UBAC1: variants seen among roughly 807,000 people sequenced by gnomAD.
UBAC1 encodes the protein ubiquitin-associated domain-containing protein 1.
UBAC1 carries 27 observed loss-of-function variants against 45.9 expected under a neutral mutation model. The observed-to-expected ratio is 0.59, with a 90% CI of 0.43 to 0.81. The LOEUF (loss-of-function observed/expected upper bound fraction) is 0.81. UBAC1 is among the 30% of genes least tolerant of loss of function. The pLI, the probability that UBAC1 is intolerant of heterozygous loss-of-function variation, is 0.00. For missense variants in UBAC1, 529 were observed against 539.2 expected, an observed-to-expected ratio of 0.98 and a Z score of 0.19; for synonymous variants, 227 against 215.5, an observed-to-expected ratio of 1.05 and a Z score of -0.47.
chr9:135,950,219 C>T (rs899872378), intron 3 of UBAC1, among the ~76,000 whole-genome samples: 1 of 152,224 alleles, frequency 6.6e-6, no homozygotes, highest in East Asian at 1.9e-4. Context: ...TACAGAACTG[C>T]GAGCTACAAG....
intron 3 of UBAC1, among the ~76,000 whole-genome samples, chr9:135,948,403 G>C (rs1311548266): frequency 6.6e-6 from 1 of 152,244 alleles, no homozygotes; most frequent in East Asian, 1.9e-4. Flanking sequence ...AGGATGGAGG[G>C]ATCAGCGGAG....
Position 135,945,971 on chromosome 9 carries a change from G to A in UBAC1, c.571C>T (p.Arg191Cys). The A allele has an allele frequency of 4.3e-6, 7 of 1,613,778 alleles. No homozygotes were observed. Among genetic ancestry groups the A allele is most frequent in the African/African-American group, 4.0e-5 (3 of 75,066 alleles). ...TGCCGCAGGGCAGCCTCGTCCACAC[G>A]CTCATCCTCGTCCTCGTCCAGCATT... is the stretch of plus-strand genomic sequence containing the variant. ...NAMLDEDEDERVDEAALRQLT... is the reference protein window; with the variant it reads ...NAMLDEDEDECVDEAALRQLT... Residue 191 changes from arginine (R) to cysteine (C), a missense_variant, in exon 6 of 10, where the codon CGT becomes TGT. Arg to Cys is a radical substitution (Grantham distance 180). Transcript: ENST00000371756.
chr9:135,938,432 C>T, intron 8 of UBAC1, 72 bp from the exon 9 acceptor site: 1 of 1,555,508 alleles, frequency 6.4e-7, no homozygotes, highest in Non-Finnish European at 8.7e-7. Flanking sequence ...CAGCAGCAGG[C>T]ATGACAGCTC....
chr9:135,937,301 C>A (rs114140947), intron 9 of UBAC1, among the ~76,000 whole-genome samples: 2,155 of 151,730 alleles, frequency 0.014, 54 homozygotes, highest in African/African-American at 0.049. Flanking sequence ...ATTAGCCAGG[C>A]GTGGTAGTGC....
intron 9 of UBAC1, among the ~76,000 whole-genome samples, chr9:135,936,166 G>A (rs1223709128): frequency 6.6e-6 from 1 of 151,834 alleles, no homozygotes; most frequent in Admixed American, 6.6e-5. Context: ...GGGTGACAGA[G>A]AAAGAGCCTA....
intron 8 of UBAC1, 146 bp from the exon 9 acceptor site, chr9:135,938,506 G>A (rs140422188): frequency 1.1e-4 from 122 of 1,072,640 alleles, no homozygotes; most frequent in Middle Eastern, 9.3e-4. Context: ...GGACTCTACC[G>A]TGAAGACAAA....
At chr9:135,956,590 A>AGCACAGCACACCACC (rs1349194133) in intron 1 of UBAC1, among the ~76,000 whole-genome samples, 1 of 151,984 alleles carries the variant, frequency 6.6e-6, no homozygotes, top group African/African-American at 2.4e-5. Context: ...ACGACAGCAC[A>AGCACAGCACACCACC]GCACAGCACA....
chr9:135,947,943 T>A, intron 3 of UBAC1, 38 bp from the exon 4 acceptor site: 1 of 1,579,052 alleles, frequency 6.3e-7, no homozygotes. Context: ...GAGGTGAACG[T>A]AAGAGCAGCA....
At chr9:135,952,118 G>C (rs144700638) in intron 3 of UBAC1, among the ~76,000 whole-genome samples, 1 of 152,362 alleles carries the variant, frequency 6.6e-6, no homozygotes, top group East Asian at 1.9e-4. Context: ...GCCCAGATCT[G>C]TCCGCTGCAG....
At chr9:135,947,731 AC>A in intron 4 of UBAC1, 66 bp downstream of exon 4, 22 of 1,347,658 alleles carry the variant, frequency 1.6e-5, no homozygotes, top group Admixed American at 4.4e-5. Flanking sequence ...CCCCGCAGGA[AC>A]CCCCCCACAG....
At chr9:135,933,767 G>A (rs969607452) in intron 9 of UBAC1, among the ~76,000 whole-genome samples, 22 of 152,108 alleles carry the variant, frequency 1.4e-4, no homozygotes, top group Middle Eastern at 3.2e-3. Context: ...GTGCCTGTGC[G>A]TGCTCATGGC....
intron 3 of UBAC1, 76 bp from the exon 4 acceptor site, chr9:135,947,981 A>C: frequency 1.5e-6 from 2 of 1,362,258 alleles, no homozygotes; most frequent in East Asian, 2.5e-5. Context: ...GAATCAGCGG[A>C]GCTCTGCCCA....
intron 7 of UBAC1, chr9:135,942,432 T>C (rs1255251321): frequency 7.2e-5 from 11 of 152,178 alleles, no homozygotes; most frequent in Admixed American, 7.2e-4. Context: ...GGAGGATCAC[T>C]TGAGGCCAGG....
intron 1 of UBAC1, among the ~76,000 whole-genome samples, chr9:135,958,874 A>G (rs1839498486): frequency 6.6e-6 from 1 of 152,132 alleles, no homozygotes; most frequent in Admixed American, 6.5e-5. Context: ...ATCCCCTGCT[A>G]CTCAGATCCT....
At chr9:135,946,616 C>T (rs1344356317) in intron 4 of UBAC1, among the ~76,000 whole-genome samples, 1 of 152,192 alleles carries the variant, frequency 6.6e-6, no homozygotes, top group African/African-American at 2.4e-5. Flanking sequence ...AGTGCTGGCC[C>T]GATACTCAGC....
intron 3 of UBAC1, chr9:135,948,126 G>A (rs1839360770): frequency 7.9e-6 from 4 of 503,808 alleles, no homozygotes; most frequent in Non-Finnish European, 7.0e-6. Context: ...TAAGAGTGAA[G>A]CGGTAGGTGA....
chr9:135,936,473 T>C (rs1839203829), intron 9 of UBAC1, among the ~76,000 whole-genome samples: 1 of 151,596 alleles, frequency 6.6e-6, no homozygotes, highest in South Asian at 2.1e-4. Flanking sequence ...TGTTTCTGAC[T>C]TTCGGATAGG....
intron 8 of UBAC1, among the ~76,000 whole-genome samples, chr9:135,939,325 T>C (rs542704342): frequency 2.6e-5 from 4 of 152,254 alleles, no homozygotes; most frequent in Admixed American, 6.5e-5. Context: ...GAGCCATCTA[T>C]CCAATTGTCT....
At chr9:135,937,047 G>A (rs1839209438) in intron 9 of UBAC1, among the ~76,000 whole-genome samples, 1 of 152,142 alleles carries the variant, frequency 6.6e-6, no homozygotes. Context: ...TTCTACAGGC[G>A]GCCAATACGC....
Sources: gnomAD v4.1 joint callset for allele counts (sites outside exome capture counted in the v4.1 genomes callset) on GRCh38, gnomAD v4.1.1 for gene constraint, MANE v1.5 for transcripts, NCBI Gene and HGNC (gene_info 2026-07-23, HGNC 2026-07-21) for gene names.